Variants in ARSB observed in about 807,000 individuals in gnomAD.
ARSB encodes arylsulfatase B, also known as N-acetylgalactosamine-4-sulfatase.
A neutral mutation model predicts 50.9 loss-of-function variants in ARSB; 41 were observed. That is an observed-to-expected ratio of 0.81 (90% confidence interval 0.63 to 1.04). ARSB has a LOEUF of 1.04. Among genes scored for constraint, ARSB ranks in the 50% least tolerant of loss-of-function variants. The pLI, the probability that ARSB is intolerant of heterozygous loss-of-function variation, is 0.00. For missense variants in ARSB, 672 were observed against 693.3 expected (o/e 0.97, Z 0.35); for synonymous variants, 269 against 284.8 (o/e 0.94, Z 0.56).
At chr5:78,893,955 A>G (rs1224717388) in intron 4 of ARSB, among the ~76,000 whole-genome samples, 2 of 152,204 alleles carry the variant, frequency 1.3e-5, no homozygotes, top group Non-Finnish European at 2.9e-5. Flanking sequence ...CAGGCAAACT[A>G]ATTTTTTTGG....
chr5:78,880,866 A>C (rs1747713494), intron 5 of ARSB, among the ~76,000 whole-genome samples: 2 of 152,314 alleles, frequency 1.3e-5, no homozygotes, highest in Non-Finnish European at 2.9e-5. Flanking sequence ...ACAATCTTAA[A>C]AAACTGCAAA....
intron 5 of ARSB, among the ~76,000 whole-genome samples, chr5:78,879,674 T>C (rs1747651668): frequency 6.6e-6 from 1 of 152,224 alleles, no homozygotes; most frequent in Non-Finnish European, 1.5e-5. Flanking sequence ...GTCTCTGACA[T>C]TTGGCTGTCC....
At chr5:78,817,975 G>A (rs769216667) in intron 6 of ARSB, among the ~76,000 whole-genome samples, 7 of 152,000 alleles carry the variant, frequency 4.6e-5, no homozygotes, top group African/African-American at 1.2e-4. Flanking sequence ...GTAAATCCTC[G>A]TCTCTACTAA....
chr5:78,978,322 T>C (rs336524), intron 1 of ARSB, among the ~76,000 whole-genome samples: 87,698 of 147,662 alleles, frequency 0.59, 26,090 homozygotes, highest in African/African-American at 0.7. Flanking sequence ...CAGAGCAGAG[T>C]GAGACTCTGT....
chr5:78,985,423 C>G (rs1186030354), upstream of ARSB: 3 of 522,784 alleles, frequency 5.7e-6, no homozygotes, highest in Middle Eastern at 6.1e-4. Flanking sequence ...CCCGGGCCCC[C>G]GGCTGCTGTG....
intron 5 of ARSB, among the ~76,000 whole-genome samples, chr5:78,848,591 G>A (rs1224063031): frequency 6.6e-6 from 1 of 151,502 alleles, no homozygotes; most frequent in Non-Finnish European, 1.5e-5. Flanking sequence ...GTAATGGGAT[G>A]GCTGGGTCAA....
Position 78,788,805 on chromosome 5 carries a change from AC to A in ARSB, c.1214-6832del, listed in dbSNP as rs1247205018. Among the ~76,000 whole-genome samples the A allele has an allele frequency of 3.9e-5, 6 of 152,260 alleles. No individual in the cohort carries two copies. The East Asian group carries it at 9.7e-4, about 24-fold the overall frequency. ...TAGAAAAAAAATTTTTAAAGAGGCC[AC>A]TATGATTTTTGTAATTGTTTCCCTA... On this transcript the variant is annotated intron_variant, in intron 6 of 7. Transcript: ENST00000264914.
At chr5:78,944,942 G>A (rs543726194) in intron 4 of ARSB, among the ~76,000 whole-genome samples, 97 of 152,268 alleles carry the variant, frequency 6.4e-4, no homozygotes, top group African/African-American at 2.1e-3. Context: ...CGAGCTTCCC[G>A]GCCACTTTGT....
At chr5:78,832,252 C>A (rs1221637511) in intron 6 of ARSB, among the ~76,000 whole-genome samples, 1 of 152,158 alleles carries the variant, frequency 6.6e-6, no homozygotes, top group Non-Finnish European at 1.5e-5. Context: ...GGGAGATAAA[C>A]AGGACTGAAG....
rs370255823 is a variant in ARSB at position 78,816,794 on chromosome 5, C to T, written c.1213+22562G>A. Reference sequence around the variant, plus strand: ...CTTGAGAAGCTGAGGGTAGTCCTTGCGGAGACAACAGGGACTTCAGTCCTA... The same window carrying T: ...CTTGAGAAGCTGAGGGTAGTCCTTGTGGAGACAACAGGGACTTCAGTCCTA... On this transcript the variant is annotated intron_variant, in intron 6 of 7. Coordinates refer to ENST00000264914, the MANE Select transcript of ARSB (RefSeq NM_000046.5). Among the ~76,000 whole-genome samples, 16 of 152,296 alleles carry T rather than the reference C, an allele frequency of 1.1e-4. No individual in the cohort carries two copies. The East Asian group carries it at 1.9e-3, about 18-fold the overall frequency.
At chr5:78,985,512 C>G, upstream of ARSB, 1 of 273,652 alleles carries the variant, frequency 3.7e-6, no homozygotes. Context: ...TTGGAGGGCA[C>G]CAAGGCCCGT....
At chr5:78,977,366 C>A (rs1392284587) in intron 1 of ARSB, among the ~76,000 whole-genome samples, 1 of 152,122 alleles carries the variant, frequency 6.6e-6, no homozygotes, top group Non-Finnish European at 1.5e-5. Flanking sequence ...GTTGGCCAGG[C>A]TGGTCTCAAA....
chr5:78,905,278 T>C (rs1298911267), intron 4 of ARSB, among the ~76,000 whole-genome samples: 1 of 152,032 alleles, frequency 6.6e-6, no homozygotes, highest in African/African-American at 2.4e-5. Flanking sequence ...TCATCTCAAA[T>C]GAGCTCATCA....
chr5:78,888,371 C>T (rs2112222953), intron 4 of ARSB, among the ~76,000 whole-genome samples: 1 of 152,274 alleles, frequency 6.6e-6, no homozygotes, highest in Non-Finnish European at 1.5e-5. Context: ...ACCAATGTAT[C>T]GAAACTTAGA....
chr5:78,853,415 A>T (rs1457869770), intron 5 of ARSB, among the ~76,000 whole-genome samples: 1 of 152,032 alleles, frequency 6.6e-6, no homozygotes, highest in Non-Finnish European at 1.5e-5. Context: ...ATTCCTCTGG[A>T]AGTTTTGTCT....
intron 5 of ARSB, among the ~76,000 whole-genome samples, chr5:78,859,199 G>C (rs1201708466): frequency 5.3e-5 from 8 of 152,060 alleles, no homozygotes; most frequent in Non-Finnish European, 1.2e-4. Flanking sequence ...TAAGAGTATA[G>C]GCACGGAAAT....
At chr5:78,856,172 C>T (rs971556201) in intron 5 of ARSB, among the ~76,000 whole-genome samples, 1 of 152,142 alleles carries the variant, frequency 6.6e-6, no homozygotes, top group Non-Finnish European at 1.5e-5. Context: ...TCCAATGGAA[C>T]TATCTTGGCA....
intron 5 of ARSB, among the ~76,000 whole-genome samples, chr5:78,848,184 C>G (rs1168026428): frequency 6.7e-6 from 1 of 150,216 alleles, no homozygotes; most frequent in Admixed American, 6.6e-5. Flanking sequence ...CGTCATTTAG[C>G]ATTAGGTATA....
chr5:78,880,839 C>A (rs374091098), intron 5 of ARSB, among the ~76,000 whole-genome samples: 15 of 152,114 alleles, frequency 9.9e-5, no homozygotes, highest in African/African-American at 3.6e-4. Flanking sequence ...TAGTTTTCAT[C>A]GGTCTTAAAG....
Sources: allele counts gnomAD v4.1 joint callset (sites outside exome capture counted in the v4.1 genomes callset), GRCh38; gene constraint gnomAD v4.1.1; transcripts MANE v1.5; gene names NCBI Gene and HGNC (gene_info 2026-07-23, HGNC 2026-07-21).